ABHD3: variants seen among roughly 807,000 people sequenced by gnomAD.
ABHD3 encodes the protein abhydrolase domain containing 3, phospholipase, also known as phospholipase ABHD3.
ABHD3 carries 46 observed loss-of-function variants against 48.8 expected under a neutral mutation model. The ratio of observed to expected loss-of-function variants is 0.94; its 90% CI spans 0.74 to 1.20. The LOEUF (loss-of-function observed/expected upper bound fraction) is 1.20, where lower values mean the gene tolerates loss of function less well. Among genes scored for constraint, ABHD3 ranks in the 50% most tolerant of loss-of-function variants. The probability of loss-of-function intolerance (pLI) is 0.00; values close to 1 mark genes in which losing one functional copy is unlikely to be tolerated. For missense variants in ABHD3, 490 were observed against 497.8 expected (o/e 0.98, Z 0.15); for synonymous variants, 192 against 183.7 (o/e 1.04, Z -0.36).
Position 21,661,577 on chromosome 18 carries a change from G to C in ABHD3, c.669-2234C>G, listed in dbSNP as rs534257304. Among the ~76,000 whole-genome samples, 3 of 152,130 alleles carry C rather than the reference G, an allele frequency of 2.0e-5. No individual in the cohort carries two copies. The South Asian group carries it at 6.2e-4, about 32-fold the overall frequency. ...ACCCAGGAGGCAAAGGTTGCAGTGA[G>C]CTGAGATCGCACCACTGCACTCCAG... is the stretch of plus-strand genomic sequence containing the variant. On this transcript the variant is annotated intron_variant, in intron 5 of 8. Coordinates refer to ENST00000289119, the MANE Select transcript of ABHD3 (RefSeq NM_138340.5).
In ABHD3 at chr18:21,653,981, G is replaced by T. The variant is rs549593210; in HGVS notation, c.1058-2218C>A. 5.9e-5 allele frequency among the ~76,000 whole-genome samples: 9 copies of T among 151,754 alleles called. 1 individual carries two copies. The South Asian group carries it at 1.9e-3, about 32-fold the overall frequency. On this transcript the variant is annotated intron_variant, in intron 8 of 8. Coordinates refer to ENST00000289119, the MANE Select transcript of ABHD3 (RefSeq NM_138340.5). ...CTGCCTCAGCCTCCTGAGTAGCTGGGATCACAGGTGTGTCCCACCACGGCC... is the reference window on the plus strand; with the variant it reads ...CTGCCTCAGCCTCCTGAGTAGCTGGTATCACAGGTGTGTCCCACCACGGCC...
intron 8 of ABHD3, among the ~76,000 whole-genome samples, chr18:21,653,784 C>A (rs958904800): frequency 6.7e-6 from 1 of 148,384 alleles, no homozygotes; most frequent in Non-Finnish European, 1.5e-5. Context: ...CACTTGTAGT[C>A]CTAGCTGAGG....
Position 21,703,667 on chromosome 18 carries a change from G to T in ABHD3, c.243C>A (p.Tyr81Ter), listed in dbSNP as rs755570212. 1.3e-5 allele frequency: 21 copies of T among 1,614,128 alleles called. No homozygotes were observed. Among genetic ancestry groups the T allele is most frequent in the Non-Finnish European group, 1.7e-5 (20 of 1,180,024 alleles). The change falls in exon 2 of 9, where the codon TAC (tyrosine) becomes TAA (stop). Residue 81 changes from tyrosine (Y) to a stop codon, truncating the protein, a stop_gained. Coordinates refer to ENST00000289119, the MANE Select transcript of ABHD3 (RefSeq NM_138340.5). LOFTEE classifies it high-confidence loss of function. ...DHCPVVTETY[Y>*]PTVWCWEGRG... ...GACCCTCCCAGCACCAGACCGTCGG[G>T]TAGTACGTTTCTGTAACCACGGGAC...
intron 5 of ABHD3, among the ~76,000 whole-genome samples, chr18:21,659,788 C>A (rs983375721): frequency 9.2e-5 from 14 of 152,042 alleles, no homozygotes; most frequent in Admixed American, 3.9e-4. Context: ...CCTGCCTCAG[C>A]CTCCCGCGTA....
chr18:21,687,269 C>T (rs981831950), intron 3 of ABHD3, among the ~76,000 whole-genome samples: 4 of 151,604 alleles, frequency 2.6e-5, no homozygotes, highest in Non-Finnish European at 5.9e-5. Flanking sequence ...AGTGCAGTGG[C>T]GCAATCTCGG....
intron 3 of ABHD3, among the ~76,000 whole-genome samples, chr18:21,697,528 T>C (rs1296477477): frequency 6.6e-6 from 1 of 152,094 alleles, no homozygotes. Flanking sequence ...TACAGGTGCA[T>C]GCCATGATGC....
chr18:21,699,452 C>T (rs1320677609), intron 3 of ABHD3, among the ~76,000 whole-genome samples: 1 of 152,214 alleles, frequency 6.6e-6, no homozygotes, highest in African/African-American at 2.4e-5. Flanking sequence ...AGACTCAACT[C>T]AGCCTTGCGC....
chr18:21,665,596 C>T (rs2039603786), intron 4 of ABHD3, among the ~76,000 whole-genome samples: 1 of 152,068 alleles, frequency 6.6e-6, no homozygotes, highest in Non-Finnish European at 1.5e-5. Context: ...GCAGGTGGAT[C>T]ATGAGCTCAG....
At chr18:21,667,059 G>A (rs180741094) in intron 4 of ABHD3, among the ~76,000 whole-genome samples, 1 of 150,880 alleles carries the variant, frequency 6.6e-6, no homozygotes. Context: ...TCACTAATGA[G>A]TAGCCTGAGA....
intron 4 of ABHD3, among the ~76,000 whole-genome samples, chr18:21,667,835 T>C (rs915551741): frequency 6.6e-6 from 1 of 152,024 alleles, no homozygotes; most frequent in Non-Finnish European, 1.5e-5. Context: ...TTAAAAAAAA[T>C]ACTTTTTGAT....
In ABHD3 at chr18:21,683,910, AT is replaced by A; in HGVS notation, c.555+9del. Reference sequence around the variant, plus strand: ...AAAAGTTAAGACTGTTGTCATTTAAATTTACTTACCAAGAGATTCTCCCCCG... The same window carrying A: ...AAAAGTTAAGACTGTTGTCATTTAAATTACTTACCAAGAGATTCTCCCCCG... On this transcript the variant is annotated intron_variant, in intron 4 of 8. Coordinates refer to ENST00000289119, the MANE Select transcript of ABHD3 (RefSeq NM_138340.5). 2 of 1,587,966 alleles carry A rather than the reference AT, an allele frequency of 1.3e-6. No homozygotes were observed. Among genetic ancestry groups the A allele is most frequent in the Non-Finnish European group, 1.7e-6 (2 of 1,166,436 alleles).
rs1568136130 is a variant in ABHD3, at chr18:21,657,140, CA to C, written c.854del (p.Met285SerfsTer3). On this transcript the variant is annotated frameshift_variant, in exon 7 of 9. Transcript: ENST00000289119. LOFTEE classifies it high-confidence loss of function. ...LQSSVNKHRHMFVKQVDMDHV... is the reference protein window; with the variant it reads ...LQSSVNKHRHXFVKQVDMDHV... Reference sequence around the variant, plus strand: ...GATCCATATCAACTTGTTTTACAAACATATGTCGGTGCCTGGAACAAAAGAA... The same window carrying C: ...GATCCATATCAACTTGTTTTACAAACTATGTCGGTGCCTGGAACAAAAGAA... The C allele has an allele frequency of 6.2e-7, 1 of 1,609,014 alleles. No individual in the cohort carries two copies. Among genetic ancestry groups the C allele is most frequent in the Non-Finnish European group, 8.5e-7 (1 of 1,177,384 alleles).
intron 3 of ABHD3, among the ~76,000 whole-genome samples, chr18:21,692,716 T>C (rs760927223): frequency 9.9e-5 from 15 of 152,218 alleles, no homozygotes; most frequent in Non-Finnish European, 2.1e-4. Context: ...GTTTCCCTTC[T>C]CTGCTTTAGC....
At chr18:21,687,641 AT>A (rs962691085) in intron 3 of ABHD3, among the ~76,000 whole-genome samples, 3 of 152,186 alleles carry the variant, frequency 2.0e-5, no homozygotes, top group Admixed American at 6.5e-5. Context: ...GAACTATATA[AT>A]TTTTTTCCCT....
chr18:21,665,840 T>C (rs2039612307), intron 4 of ABHD3, among the ~76,000 whole-genome samples: 1 of 151,606 alleles, frequency 6.6e-6, no homozygotes, highest in African/African-American at 2.4e-5. Context: ...AAGGGGCTTT[T>C]CAATAGTGTA....
At chr18:21,681,903 C>T (rs11662840) in intron 4 of ABHD3, among the ~76,000 whole-genome samples, 22,486 of 151,970 alleles carry the variant, frequency 0.15, 1,979 homozygotes, top group Middle Eastern at 0.28. Context: ...TTGGGAGCAT[C>T]GCTTGAGCCC....
intron 8 of ABHD3, among the ~76,000 whole-genome samples, chr18:21,656,572 G>A (rs1052593378): frequency 3.3e-5 from 5 of 152,276 alleles, no homozygotes; most frequent in African/African-American, 1.2e-4. Context: ...CAAAAGGACT[G>A]TAACATAATC....
At chr18:21,694,240 T>C (rs1568161838) in intron 3 of ABHD3, among the ~76,000 whole-genome samples, 1 of 151,870 alleles carries the variant, frequency 6.6e-6, no homozygotes, top group Non-Finnish European at 1.5e-5. Flanking sequence ...GGATTATAGG[T>C]GGGGGCCACC....
intron 4 of ABHD3, among the ~76,000 whole-genome samples, chr18:21,675,220 C>T (rs2039850577): frequency 6.6e-6 from 1 of 151,418 alleles, no homozygotes; most frequent in Admixed American, 6.6e-5. Flanking sequence ...CTGATTGTCA[C>T]CCCACTTCTC....
Sources: gnomAD v4.1 joint callset for allele counts (sites outside exome capture counted in the v4.1 genomes callset) on GRCh38, gnomAD v4.1.1 for gene constraint, MANE v1.5 for transcripts, NCBI Gene and HGNC (gene_info 2026-07-23, HGNC 2026-07-21) for gene names.